PPHLN1: variants seen among roughly 807,000 people sequenced by gnomAD.
PPHLN1 encodes the protein periphilin-1.
Under a neutral mutation model 51.3 loss-of-function variants are expected in PPHLN1, and 29 were observed. The ratio of observed to expected loss-of-function variants is 0.57; its 90% CI spans 0.42 to 0.77. The LOEUF is 0.77. Among genes scored for constraint, PPHLN1 ranks in the 30% least tolerant of loss-of-function variants. PPHLN1 has a pLI of 0.00. For missense variants in PPHLN1, 436 were observed against 438.4 expected (o/e 0.99, Z 0.05); for synonymous variants, 147 against 147.8 (o/e 0.99, Z 0.04).
At chr12:42,367,890 A>G (rs546827749) in intron 4 of PPHLN1, among the ~76,000 whole-genome samples, 176 of 152,238 alleles carry the variant, frequency 1.2e-3, no homozygotes, top group African/African-American at 4.1e-3. Flanking sequence ...GTGCACCACC[A>G]TGCCCGGCTA....
intron 1 of PPHLN1, among the ~76,000 whole-genome samples, chr12:42,335,541 A>G (rs1296890655): frequency 1.3e-5 from 2 of 152,176 alleles, no homozygotes; most frequent in East Asian, 3.8e-4. Context: ...TCATTAAAAA[A>G]TGAATCGTTT....
At chr12:42,435,309 A>G (rs2084240427) in intron 9 of PPHLN1, among the ~76,000 whole-genome samples, 1 of 151,414 alleles carries the variant, frequency 6.6e-6, no homozygotes, top group East Asian at 1.9e-4. Context: ...TTGTGGTTGT[A>G]ATAATTTCAC....
intron 8 of PPHLN1, among the ~76,000 whole-genome samples, chr12:42,397,854 G>A (rs2078403927): frequency 6.6e-6 from 1 of 152,066 alleles, no homozygotes; most frequent in African/African-American, 2.4e-5. Context: ...TGATTCTCTT[G>A]CTGGGATTAC....
At chr12:42,402,661 AT>A (rs992738570) in intron 9 of PPHLN1, among the ~76,000 whole-genome samples, 8 of 150,344 alleles carry the variant, frequency 5.3e-5, no homozygotes, top group Admixed American at 4.6e-4. Flanking sequence ...TAACTATAGA[AT>A]TTTAAGTTTT....
At chr12:42,329,598 A>G (rs1368017440) in intron 1 of PPHLN1, among the ~76,000 whole-genome samples, 1 of 152,174 alleles carries the variant, frequency 6.6e-6, no homozygotes, top group Non-Finnish European at 1.5e-5. Context: ...AACCCTCACT[A>G]CTAGAAATAC....
intron 4 of PPHLN1, among the ~76,000 whole-genome samples, chr12:42,370,371 G>T (rs1301313794): frequency 6.6e-6 from 1 of 152,174 alleles, no homozygotes; most frequent in Non-Finnish European, 1.5e-5. Flanking sequence ...TTTCTAATTT[G>T]CATAAAGCCT....
At chr12:42,395,168 TC>T (rs960368252) in intron 8 of PPHLN1, among the ~76,000 whole-genome samples, 10 of 152,070 alleles carry the variant, frequency 6.6e-5, no homozygotes, top group African/African-American at 2.4e-4. Flanking sequence ...TTTTTAAACA[TC>T]TTTTTTTTCC....
intron 8 of PPHLN1, among the ~76,000 whole-genome samples, chr12:42,394,326 A>C (rs1403798933): frequency 6.6e-6 from 1 of 152,156 alleles, no homozygotes; most frequent in East Asian, 1.9e-4. Context: ...TTTTAGATTC[A>C]GGATTTGATA....
At chr12:42,344,777 C>T (rs1312430085) in intron 2 of PPHLN1, among the ~76,000 whole-genome samples, 7 of 144,566 alleles carry the variant, frequency 4.8e-5, no homozygotes, top group Admixed American at 1.5e-4. Context: ...GGCATAATCT[C>T]GGCTCACTGC....
chr12:42,393,638 A>G lies in PPHLN1; in HGVS notation c.717A>G (p.Glu239=), dbSNP rs1429827515. ...LAEAASKWAA[E]KLEKSDESNL... is the part of the protein sequence containing the mutation. ...AGGCTGCAAGCAAGTGGGCTGCTGA[A>G]AAGCTAGAGAAATCAGATGAAAGTA... Residue 239 remains glutamate (E), a synonymous_variant, in exon 8 of 10, where the codon GAA becomes GAG. Coordinates refer to ENST00000358314, the MANE Select transcript of PPHLN1 (RefSeq NM_201439.2). 6.2e-7 allele frequency: 1 copy of G among 1,611,726 alleles called. No homozygotes were observed. The highest frequency in any genetic ancestry group is 2.2e-5 in the East Asian group (1 of 44,760).
chr12:42,407,289 A>G (rs1592786509), intron 9 of PPHLN1, among the ~76,000 whole-genome samples: 1 of 152,232 alleles, frequency 6.6e-6, no homozygotes, highest in East Asian at 1.9e-4. Flanking sequence ...GCTGGCAGCC[A>G]GGGCTACAGG....
intron 9 of PPHLN1, among the ~76,000 whole-genome samples, chr12:42,437,426 G>C (rs1280182906): frequency 6.6e-6 from 1 of 152,118 alleles, no homozygotes; most frequent in Non-Finnish European, 1.5e-5. Flanking sequence ...TTCTTAAACA[G>C]CACAGTCAGC....
chr12:42,421,639 C>T (rs1254750935), intron 9 of PPHLN1, among the ~76,000 whole-genome samples: 2 of 152,150 alleles, frequency 1.3e-5, no homozygotes. Context: ...TGAGCCATTA[C>T]GCTGAGCTGT....
chr12:42,361,051 A>G (rs766362329), intron 4 of PPHLN1, among the ~76,000 whole-genome samples: 1 of 152,194 alleles, frequency 6.6e-6, no homozygotes, highest in Non-Finnish European at 1.5e-5. Flanking sequence ...CATAGTATTT[A>G]TGTCCCCCCA....
intron 9 of PPHLN1, among the ~76,000 whole-genome samples, chr12:42,405,152 A>G (rs2079180314): frequency 6.6e-6 from 1 of 152,162 alleles, no homozygotes; most frequent in Non-Finnish European, 1.5e-5. Flanking sequence ...TTGTATACAC[A>G]TAGCATAAAA....
chr12:42,400,775 TTCTC>T (rs149564937), intron 9 of PPHLN1, among the ~76,000 whole-genome samples: 39 of 125,592 alleles, frequency 3.1e-4, no homozygotes, highest in Non-Finnish European at 4.5e-4. Flanking sequence ...CTCTCTCTCT[TTCTC>T]TCTCTCTCTC....
At chr12:42,379,991 C>T (rs574426178) in intron 5 of PPHLN1, among the ~76,000 whole-genome samples, 240 of 152,162 alleles carry the variant, frequency 1.6e-3, no homozygotes, top group African/African-American at 5.5e-3. Context: ...GATCCTTCAT[C>T]TTTACTATTA....
At chr12:42,341,628 A>T (rs576783786) in intron 2 of PPHLN1, among the ~76,000 whole-genome samples, 20 of 151,528 alleles carry the variant, frequency 1.3e-4, no homozygotes, top group South Asian at 8.4e-4. Context: ...TATTATTATT[A>T]TTATTATTTT....
downstream of PPHLN1, chr12:42,442,626 C>T (rs368929489): frequency 5.6e-6 from 9 of 1,613,600 alleles, no homozygotes; most frequent in Middle Eastern, 1.7e-4. Flanking sequence ...TCCTTTCATC[C>T]GGTCGCTCGG....
Sources: allele counts gnomAD v4.1 joint callset (sites outside exome capture counted in the v4.1 genomes callset), GRCh38; gene constraint gnomAD v4.1.1; transcripts MANE v1.5; gene names NCBI Gene and HGNC (gene_info 2026-07-23, HGNC 2026-07-21).